The following RPLP1 variants were observed in gnomAD, a reference collection of about 807,000 sequenced individuals.
The protein encoded by RPLP1 is large ribosomal subunit protein P1.
A neutral mutation model predicts 11.6 loss-of-function variants in RPLP1; 4 were observed. The observed-to-expected ratio is 0.34, with a 90% CI of 0.17 to 0.79. The LOEUF (loss-of-function observed/expected upper bound fraction) is 0.79, where lower values mean the gene tolerates loss of function less well. RPLP1 is among the 30% of genes least tolerant of loss of function. The probability of loss-of-function intolerance (pLI) is 0.55; values close to 1 mark genes in which losing one functional copy is unlikely to be tolerated. For synonymous variants in RPLP1, 54 were observed against 52.2 expected, an observed-to-expected ratio of 1.03 and a Z score of -0.15; for missense variants, 133 against 142.8, an observed-to-expected ratio of 0.93 and a Z score of 0.35.
At chr15:69,454,913 C>G (rs1784269625) in intron 2 of RPLP1, 1 of 297,838 alleles carries the variant, frequency 3.4e-6, no homozygotes. Flanking sequence ...ATAACAAAAT[C>G]CCAGGATGTT....
At chr15:69,453,946 T>TA (rs929122824) in intron 2 of RPLP1, 52 of 561,052 alleles carry the variant, frequency 9.3e-5, no homozygotes, top group Non-Finnish European at 1.1e-4. Context: ...AAACCATGGT[T>TA]AAAAAAAATG....
chr15:69,453,035 G>GGGCCGGC lies in RPLP1; in HGVS notation c.72+22_72+28dup. Reference sequence around the variant, plus strand: ...TGACAGTCACGGTGAGTGCGGGCGCGGGCCGGCGGCCGGGCTGCCTGTGGG... The same window carrying GGGCCGGC: ...TGACAGTCACGGTGAGTGCGGGCGCGGGCCGGCGGCCGGCGGCCGGGCTGCCTGTGGG... On this transcript the variant is annotated intron_variant, in intron 1 of 3. Transcript: ENST00000260379. 1 of 1,553,422 alleles carries GGGCCGGC rather than the reference G, an allele frequency of 6.4e-7. No individual in the cohort carries two copies. Among genetic ancestry groups the GGGCCGGC allele is most frequent in the Non-Finnish European group, 8.7e-7 (1 of 1,150,206 alleles).
At chr15:69,455,044 C>T in intron 2 of RPLP1, 126 bp from the exon 3 acceptor site, 5 of 1,325,542 alleles carry the variant, frequency 3.8e-6, no homozygotes, top group Non-Finnish European at 5.0e-6. Context: ...ATGTGGAACT[C>T]ACTGTATATA....
Position 69,455,264 on chromosome 15 carries a change from C to T in RPLP1, c.242C>T (p.Ala81Val), listed in dbSNP as rs1892418216. ...GGTGCTGCACCAGCAGGAGGTCCTG[C>T]CCCCTCCACTGCTGCTGCTCCAGGT... The part of the protein sequence containing the change: ...AAGAAPAGGP[A>V]PSTAAAPAEE... The change falls in exon 3 of 4, where the codon GCC (alanine) becomes GTC (valine). Residue 81 changes from alanine to valine, a missense_variant. Transcript: ENST00000260379. 2 of 1,573,438 alleles carry T rather than the reference C, an allele frequency of 1.3e-6. No homozygotes were observed. The highest frequency in any genetic ancestry group is 1.7e-6 in the Non-Finnish European group (2 of 1,162,132).
rs867697105 is a variant in RPLP1, at chr15:69,455,706, A to C, written c.*199A>C. The C allele has an allele frequency of 6.5e-5, 38 of 581,968 alleles. No homozygotes were observed. In the Middle Eastern group the frequency reaches 1.4e-3, roughly 21 times the overall value. 36.1% of individuals were successfully genotyped at this position (581,968 alleles called of 1,614,324 possible). A position where few individuals can be genotyped will look rare whatever the true frequency, so the allele number is the denominator to read the frequency against. The stretch of plus-strand genomic sequence containing the variant: ...ACAATCCTGATGCTAACAAGAAGGC[A>C]CCTCATGGTACAGTGTTGAAAACTG... On this transcript the variant is annotated 3_prime_UTR_variant, in exon 4 of 4. Coordinates refer to ENST00000260379, the MANE Select transcript of RPLP1 (RefSeq NM_001003.3).
chr15:69,452,925 G>C lies in RPLP1; in HGVS notation c.-24G>C. On this transcript the variant is annotated 5_prime_UTR_variant, in exon 1 of 4. Transcript: ENST00000260379. ...GGCGACTAGCACCGCGTCCGGCAGC[G>C]CCAGCCCTACACTCGCCCGCGCCAT... 1.3e-6 allele frequency: 2 copies of C among 1,563,760 alleles called. No individual in the cohort carries two copies. Among genetic ancestry groups the C allele is most frequent in the Non-Finnish European group, 1.7e-6 (2 of 1,157,024 alleles).
In RPLP1 at chr15:69,453,706, T is replaced by C; in HGVS notation, c.132T>C (p.Pro44=). 6.2e-7 allele frequency: 1 copy of C among 1,614,200 alleles called. No homozygotes were observed. The highest frequency in any genetic ancestry group is 8.5e-7 in the Non-Finnish European group (1 of 1,180,036). The change falls in exon 2 of 4, where the codon CCT becomes CCC. Residue 44 remains proline (P), a synonymous_variant. Transcript: ENST00000260379. ...AAGVNVEPFW[P]GLFAKALANV... Reference sequence around the variant, plus strand: ...GTGTAAATGTTGAGCCTTTTTGGCCTGGCTTGTTTGCAAAGGTAAGGTGAT... The same window carrying C: ...GTGTAAATGTTGAGCCTTTTTGGCCCGGCTTGTTTGCAAAGGTAAGGTGAT...
chr15:69,453,283 A>G, intron 1 of RPLP1: 3 of 578,754 alleles, frequency 5.2e-6, no homozygotes, highest in Non-Finnish European at 3.1e-6. Context: ...TCGTGTAGAA[A>G]AGCTCTTCCG....
intron 1 of RPLP1, 115 bp downstream of exon 1, chr15:69,453,135 G>A: frequency 3.1e-6 from 3 of 969,950 alleles, no homozygotes; most frequent in Non-Finnish European, 4.7e-6. Flanking sequence ...GGGCCAGGCC[G>A]CGAACACAGG....
intron 1 of RPLP1, chr15:69,453,419 C>A: frequency 1.7e-6 from 1 of 602,182 alleles, no homozygotes; most frequent in Non-Finnish European, 2.9e-6. Context: ...CTCCACCTCC[C>A]AGGTCTTGTA....
At position 69,453,019 on chromosome 15, in the gene RPLP1, CGGTGAGTGCGGGCGCGGGCCGGCGGCCGG is replaced by C; in HGVS notation, c.72+1_72+29del. 1.3e-6 allele frequency: 2 copies of C among 1,563,056 alleles called. No individual in the cohort carries two copies. Among genetic ancestry groups the C allele is most frequent in the Non-Finnish European group, 1.7e-6 (2 of 1,156,218 alleles). On this transcript the variant is annotated splice_donor_variant and splice_donor_5th_base_variant and coding_sequence_variant and intron_variant, in exon 1 of 4. Transcript: ENST00000260379. LOFTEE classifies it high-confidence loss of function. ...CTGCACGACGATGAGGTGACAGTCACGGTGAGTGCGGGCGCGGGCCGGCGGCCGGGCTGCCTGTGGGCGGTGACTTTCGG... is the reference window on the plus strand; with the variant it reads ...CTGCACGACGATGAGGTGACAGTCACGCTGCCTGTGGGCGGTGACTTTCGG...
At chr15:69,453,387 G>A in intron 1 of RPLP1, 1 of 584,854 alleles carries the variant, frequency 1.7e-6, no homozygotes, top group South Asian at 2.1e-5. Flanking sequence ...CCCCGGTCGT[G>A]GAGGAAGGCG....
At position 69,456,098 on chromosome 15, in the gene RPLP1, A is replaced by G. The variant is rs1892432813; in HGVS notation, c.*591A>G. 1 of 152,262 alleles carries G rather than the reference A, an allele frequency of 6.6e-6. No individual in the cohort carries two copies. Among genetic ancestry groups the G allele is most frequent in the Admixed American group, 6.5e-5 (1 of 15,286 alleles). 9.4% of individuals were successfully genotyped at this position (152,262 alleles called of 1,614,324 possible). On this transcript the variant is annotated 3_prime_UTR_variant, in exon 4 of 4. Coordinates refer to ENST00000260379, the MANE Select transcript of RPLP1 (RefSeq NM_001003.3). Reference sequence around the variant, plus strand: ...GATTCAAACCTGTGTTCCAAAAACTAAGAGCTTTTTTTGTTTGCCAATTAA... The same window carrying G: ...GATTCAAACCTGTGTTCCAAAAACTGAGAGCTTTTTTTGTTTGCCAATTAA...
At chr15:69,453,823 C>G in intron 2 of RPLP1, 102 bp downstream of exon 2, 1 of 1,143,756 alleles carries the variant, frequency 8.7e-7, no homozygotes, top group Non-Finnish European at 1.3e-6. Flanking sequence ...GCCCCACATG[C>G]CGCTGGATCT....
Position 69,452,872 on chromosome 15 carries a change from G to A in RPLP1, c.-77G>A. 7.4e-7 allele frequency: 1 copy of A among 1,344,962 alleles called. No individual in the cohort carries two copies. Among genetic ancestry groups the A allele is most frequent in the Non-Finnish European group, 1.0e-6 (1 of 968,714 alleles). The allele number at this position is 1,344,962 out of a possible 1,614,324, so 83.3% of individuals were successfully genotyped here. A position where few individuals can be genotyped will look rare whatever the true frequency, so the allele number is the denominator to read the frequency against. ...CGGTCCTTCCGAGGAAGCTAAGGCTGCGTTGGGGTGAGGCCCTCACTTCAT... is the reference window on the plus strand; with the variant it reads ...CGGTCCTTCCGAGGAAGCTAAGGCTACGTTGGGGTGAGGCCCTCACTTCAT... On this transcript the variant is annotated 5_prime_UTR_variant, in exon 1 of 4. Transcript: ENST00000260379.
intron 2 of RPLP1, 138 bp from the exon 3 acceptor site, chr15:69,455,032 G>T: frequency 8.0e-7 from 1 of 1,242,794 alleles, no homozygotes; most frequent in South Asian, 2.2e-5. Context: ...TTGAATCCAT[G>T]GATGTGGAAC....
Position 69,455,583 on chromosome 15 carries a change from C to A in RPLP1, c.*76C>A. The A allele has an allele frequency of 8.9e-7, 1 of 1,126,656 alleles. No individual in the cohort carries two copies. The highest frequency in any genetic ancestry group is 1.3e-6 in the Non-Finnish European group (1 of 786,580). The allele number at this position is 1,126,656 out of a possible 1,614,324, so 69.8% of individuals were successfully genotyped here. On this transcript the variant is annotated 3_prime_UTR_variant, in exon 4 of 4. Coordinates refer to ENST00000260379, the MANE Select transcript of RPLP1 (RefSeq NM_001003.3). ...CTTGTCCATAGTTTTGGAATGTGCTCTGCAAAAATGGTCTGTTTTGTAATG... is the reference window on the plus strand; with the variant it reads ...CTTGTCCATAGTTTTGGAATGTGCTATGCAAAAATGGTCTGTTTTGTAATG...
Position 69,455,428 on chromosome 15 carries a change from C to A in RPLP1, c.266C>A (p.Ala89Asp). 1 of 1,603,838 alleles carries A rather than the reference C, an allele frequency of 6.2e-7. No homozygotes were observed. Among genetic ancestry groups the A allele is most frequent in the South Asian group, 1.1e-5 (1 of 88,846 alleles). Residue 89 changes from alanine (A) to aspartate (D), a missense_variant and splice_region_variant, in exon 4 of 4, where the codon GCT becomes GAT. By Grantham distance (126) the Ala-to-Asp change is moderately radical. Coordinates refer to ENST00000260379, the MANE Select transcript of RPLP1 (RefSeq NM_001003.3). ...CACCTGATTGACTTTTTTTTTCTAG[C>A]TGAGGAGAAGAAAGTGGAAGCAAAG... ...GPAPSTAAAPAEEKKVEAKKE... is the reference protein window; with the variant it reads ...GPAPSTAAAPDEEKKVEAKKE...
rs930171298 is a variant in RPLP1, at chr15:69,455,057, G to C, written c.148-113G>C. 5.1e-5 allele frequency: 74 copies of C among 1,451,726 alleles called. 1 individual carries two copies. The South Asian group carries it at 1.1e-3, about 22-fold the overall frequency. 89.9% of individuals were successfully genotyped at this position (1,451,726 alleles called of 1,614,324 possible). On this transcript the variant is annotated intron_variant, in intron 2 of 3. Coordinates refer to ENST00000260379, the MANE Select transcript of RPLP1 (RefSeq NM_001003.3). Reference sequence around the variant, plus strand: ...GGATGTGGAACTCACTGTATATAGTGTTAGGGGTTGATCACTGTAACCTGG... The same window carrying C: ...GGATGTGGAACTCACTGTATATAGTCTTAGGGGTTGATCACTGTAACCTGG...
Sources: gnomAD v4.1 joint callset for allele counts on GRCh38, gnomAD v4.1.1 for gene constraint, MANE v1.5 for transcripts, NCBI Gene and HGNC (gene_info 2026-07-23, HGNC 2026-07-21) for gene names.